Variants in AKAP6 observed in about 807,000 individuals in gnomAD.
AKAP6 encodes the protein A-kinase anchoring protein 6.
Under a neutral mutation model 188.5 loss-of-function variants are expected in AKAP6, and 58 were observed. The ratio of observed to expected loss-of-function variants is 0.31; its 90% confidence interval spans 0.25 to 0.38. The LOEUF is 0.38. Among genes scored for constraint, AKAP6 ranks in the 10% least tolerant of loss-of-function variants. The probability of loss-of-function intolerance (pLI) is 1.00; values close to 1 mark genes in which losing one functional copy is unlikely to be tolerated. For synonymous variants in AKAP6, 989 were observed against 998.6 expected (o/e 0.99, Z 0.18); for missense variants, 2,710 against 2,740.0 (o/e 0.99, Z 0.24).
intron 7 of AKAP6, among the ~76,000 whole-genome samples, chr14:32,641,751 G>C (rs1021489257): frequency 1.3e-5 from 2 of 152,016 alleles, no homozygotes; most frequent in Admixed American, 1.3e-4. Flanking sequence ...AACTAAAAAT[G>C]GTGTAATTTT....
intron 1 of AKAP6, among the ~76,000 whole-genome samples, chr14:32,368,263 G>T (rs1447975959): frequency 6.6e-6 from 1 of 152,082 alleles, no homozygotes; most frequent in Non-Finnish European, 1.5e-5. Flanking sequence ...TCTTTATATG[G>T]CACCTTTAAG....
At chr14:32,466,739 CAA>C (rs71432057) in intron 2 of AKAP6, among the ~76,000 whole-genome samples, 15 of 106,146 alleles carry the variant, frequency 1.4e-4, no homozygotes, top group African/African-American at 2.0e-4. Flanking sequence ...ACTTAAAGTT[CAA>C]AAAAAAAAAA....
At chr14:32,629,008 G>C (rs1403886413) in intron 7 of AKAP6, among the ~76,000 whole-genome samples, 6 of 152,078 alleles carry the variant, frequency 3.9e-5, no homozygotes, top group Admixed American at 3.9e-4. Context: ...TAGAGAAATG[G>C]GAGGGATGTG....
intron 2 of AKAP6, among the ~76,000 whole-genome samples, chr14:32,437,830 G>A (rs898656531): frequency 1.3e-5 from 2 of 152,108 alleles, no homozygotes; most frequent in Admixed American, 6.6e-5. Flanking sequence ...GAACTCTTGG[G>A]CTCAAGCGAT....
intron 2 of AKAP6, among the ~76,000 whole-genome samples, chr14:32,532,106 G>T (rs1019945781): frequency 6.6e-6 from 1 of 152,198 alleles, no homozygotes; most frequent in Non-Finnish European, 1.5e-5. Flanking sequence ...CCCATAAGCA[G>T]CATAGGAGAG....
chr14:32,397,405 TCTTA>T (rs1888917515), intron 1 of AKAP6, among the ~76,000 whole-genome samples: 2 of 130,092 alleles, frequency 1.5e-5, no homozygotes, highest in South Asian at 2.5e-4. Flanking sequence ...TGAGATGGGG[TCTTA>T]CTTTGTCACC....
chr14:32,371,758 C>T (rs1482018748), intron 1 of AKAP6, among the ~76,000 whole-genome samples: 1 of 152,078 alleles, frequency 6.6e-6, no homozygotes, highest in Non-Finnish European at 1.5e-5. Context: ...TAGAAAGAGG[C>T]AGGGTACCTC....
At chr14:32,429,114 G>A (rs10483406) in intron 1 of AKAP6, among the ~76,000 whole-genome samples, 27,441 of 152,168 alleles carry the variant, frequency 0.18, 3,035 homozygotes, top group Admixed American at 0.32. Flanking sequence ...CTTTCACACC[G>A]TCTTGGAGCC....
chr14:32,709,314 G>A (rs973023812), intron 9 of AKAP6, among the ~76,000 whole-genome samples: 13 of 141,536 alleles, frequency 9.2e-5, no homozygotes, highest in African/African-American at 2.6e-4. Flanking sequence ...GGAGCACAAC[G>A]ATTTTTTTTT....
rs1469780703 is a variant in AKAP6, at chr14:32,821,652, C to T, written c.3839C>T (p.Pro1280Leu). 5 of 1,613,594 alleles carry T rather than the reference C, an allele frequency of 3.1e-6. No homozygotes were observed. The Admixed American group carries it at 5.0e-5, about 16-fold the overall frequency. The change falls in exon 13 of 14, where the codon CCC becomes CTC. Residue 1280 changes from proline (P) to leucine (L), a missense_variant. Coordinates refer to ENST00000280979, the MANE Select transcript of AKAP6 (RefSeq NM_004274.5). ...GSQYASNITA[P>L]SSPHIYQVYS... ...CAGTATGCCTCAAATATTACTGCCC[C>T]CTCTAGTCCACACATTTACCAGGTG...
intron 1 of AKAP6, among the ~76,000 whole-genome samples, chr14:32,419,692 A>G (rs1227374053): frequency 6.6e-6 from 1 of 152,142 alleles, no homozygotes; most frequent in Non-Finnish European, 1.5e-5. Context: ...ATTTCACAGG[A>G]AGCAGTTCTT....
chr14:32,707,895 A>T (rs553372537), intron 9 of AKAP6, among the ~76,000 whole-genome samples: 7 of 152,184 alleles, frequency 4.6e-5, no homozygotes, highest in South Asian at 4.2e-4. Context: ...GGCCAGGTTG[A>T]TATCAGGGAG....
intron 12 of AKAP6, among the ~76,000 whole-genome samples, chr14:32,776,455 T>C (rs1466706209): frequency 6.6e-6 from 1 of 152,150 alleles, no homozygotes; most frequent in Non-Finnish European, 1.5e-5. Flanking sequence ...CCCAGCCACA[T>C]GGAACTGTGA....
At position 32,683,316 on chromosome 14, in the gene AKAP6, G is replaced by A. The variant is rs555035462; in HGVS notation, c.2879+4857G>A. ...GCCCCTCCCAGGTGAATCTAATGCT[G>A]AAGTTTGAGAAGCACCGCTTTGGGC... On this transcript the variant is annotated intron_variant, in intron 8 of 13. Transcript: ENST00000280979. Among the ~76,000 whole-genome samples, 4 of 152,148 alleles carry A rather than the reference G, an allele frequency of 2.6e-5. No individual in the cohort carries two copies. The South Asian group carries it at 8.3e-4, about 32-fold the overall frequency.
At chr14:32,609,243 AG>A (rs1362740820) in intron 7 of AKAP6, among the ~76,000 whole-genome samples, 1 of 152,162 alleles carries the variant, frequency 6.6e-6, no homozygotes, top group Non-Finnish European at 1.5e-5. Flanking sequence ...CATCTAGTGT[AG>A]TCAAATGGCA....
chr14:32,629,666 T>G (rs1887173737), intron 7 of AKAP6, among the ~76,000 whole-genome samples: 1 of 142,864 alleles, frequency 7.0e-6, no homozygotes. Flanking sequence ...TGAAGCTAAT[T>G]GCATATAAGC....
At chr14:32,751,566 A>G (rs1225987748) in intron 11 of AKAP6, among the ~76,000 whole-genome samples, 6 of 148,332 alleles carry the variant, frequency 4.0e-5, no homozygotes, top group African/African-American at 1.5e-4. Flanking sequence ...GCTTTAGATC[A>G]GGAAAGTTTT....
chr14:32,532,739 T>G (rs1453098527), intron 2 of AKAP6, among the ~76,000 whole-genome samples: 2 of 152,194 alleles, frequency 1.3e-5, no homozygotes, highest in Non-Finnish European at 1.5e-5. Flanking sequence ...CAAAGTGAGA[T>G]GCCAGAGACA....
intron 12 of AKAP6, among the ~76,000 whole-genome samples, chr14:32,811,255 A>AAAAAAAAAAAAAAAG (rs546819675): frequency 8.5e-6 from 1 of 118,298 alleles, no homozygotes; most frequent in Non-Finnish European, 1.8e-5. Flanking sequence ...AAAAAAAAAA[A>AAAAAAAAAAAAAAAG]AGTTGAAAAA....
Sources: allele counts gnomAD v4.1 joint callset (sites outside exome capture counted in the v4.1 genomes callset), GRCh38; gene constraint gnomAD v4.1.1; transcripts MANE v1.5; gene names NCBI Gene and HGNC (gene_info 2026-07-23, HGNC 2026-07-21).